The following ARHGEF37 variants were observed in gnomAD, a reference collection of about 807,000 sequenced individuals.
ARHGEF37 encodes the protein Rho guanine nucleotide exchange factor 37.
In ARHGEF37, 55 loss-of-function variants were observed where a neutral mutation model predicts 71.1. The observed-to-expected ratio is 0.77, with a 90% CI of 0.62 to 0.97. ARHGEF37 has a LOEUF of 0.97. ARHGEF37 is among the 50% of genes least tolerant of loss of function. The pLI is 0.00. For synonymous variants in ARHGEF37, 327 were observed against 350.6 expected, an observed-to-expected ratio of 0.93 and a Z score of 0.75; for missense variants, 765 against 836.8, an observed-to-expected ratio of 0.91 and a Z score of 1.06.
chr5:149,569,005 C>T (rs966587735), intron 1 of ARHGEF37, among the ~76,000 whole-genome samples: 16 of 152,052 alleles, frequency 1.1e-4, no homozygotes, highest in African/African-American at 3.9e-4. Flanking sequence ...AGTATGTGCT[C>T]TTTGTGTCCA....
chr5:149,622,968 C>T (rs1402624906), intron 9 of ARHGEF37, among the ~76,000 whole-genome samples: 1 of 152,162 alleles, frequency 6.6e-6, no homozygotes, highest in African/African-American at 2.4e-5. Context: ...CAATTCTTTG[C>T]ATGAAAACTC....
intron 12 of ARHGEF37, among the ~76,000 whole-genome samples, chr5:149,629,675 G>T (rs1279936603): frequency 6.6e-6 from 1 of 152,230 alleles, no homozygotes; most frequent in African/African-American, 2.4e-5. Context: ...GGCCAGCAGG[G>T]CCTTGTGGCC....
rs774145075 is a variant in ARHGEF37 at position 149,632,001 on chromosome 5, T to C, written c.1838T>C (p.Phe613Ser). 4 of 1,614,098 alleles carry C rather than the reference T, an allele frequency of 2.5e-6. No individual in the cohort carries two copies. The Admixed American group carries it at 5.0e-5, about 20-fold the overall frequency. Residue 613 changes from phenylalanine (F) to serine (S), a missense_variant, in exon 13 of 13, where the codon TTT becomes TCT. By Grantham distance (155) the Phe-to-Ser change is radical. This residue lies in a region of ARHGEF37 where 390 missense variants were observed against 407.4 expected (regional missense o/e 0.96). Transcript: ENST00000333677. Reference sequence around the variant, plus strand: ...TTTCAGGTCATAGCCGCGTACCCTTTTGTGGCCAGAAGCAGCCATGAAGTG... The same window carrying C: ...TTTCAGGTCATAGCCGCGTACCCTTCTGTGGCCAGAAGCAGCCATGAAGTG... ...TMNQVIAAYP[F>S]VARSSHEVSL... is the part of the protein sequence containing the mutation.
chr5:149,621,918 A>G lies in ARHGEF37; in HGVS notation c.1191A>G (p.Ala397=). The change falls in exon 9 of 13, where the codon GCA becomes GCG. Residue 397 remains alanine, a synonymous_variant. Transcript: ENST00000333677. ...QEEAARHTYQ[A]LNSLLVAELP... Reference sequence around the variant, plus strand: ...AGGCCGCCCGGCACACATACCAGGCACTCAACTCGCTGCTAGTGGCTGAGC... The same window carrying G: ...AGGCCGCCCGGCACACATACCAGGCGCTCAACTCGCTGCTAGTGGCTGAGC... 6.2e-7 allele frequency: 1 copy of G among 1,614,234 alleles called. No homozygotes were observed. The highest frequency in any genetic ancestry group is 8.5e-7 in the Non-Finnish European group (1 of 1,180,036).
intron 1 of ARHGEF37, among the ~76,000 whole-genome samples, chr5:149,553,009 G>A (rs1762705208): frequency 6.6e-6 from 1 of 151,964 alleles, no homozygotes; most frequent in Non-Finnish European, 1.5e-5. Flanking sequence ...CAACACTCAG[G>A]GTGCCCAACT....
At position 149,634,625 on chromosome 5, in the gene ARHGEF37, G is replaced by A. The variant is rs1370677652; in HGVS notation, c.*2434G>A. ...GAGAATGGCCTGTATTTTCTCCAGG[G>A]GAATCTGTGTAATGTGCCTTTTCCC... On this transcript the variant is annotated 3_prime_UTR_variant, in exon 13 of 13. Transcript: ENST00000333677. The A allele has an allele frequency of 2.0e-5, 3 of 152,550 alleles. No individual in the cohort carries two copies. Among genetic ancestry groups the A allele is most frequent in the African/African-American group, 4.8e-5 (2 of 41,424 alleles). 9.4% of individuals were successfully genotyped at this position (152,550 alleles called of 1,614,324 possible). A position where few individuals can be genotyped will look rare whatever the true frequency, so the allele number is the denominator to read the frequency against.
intron 4 of ARHGEF37, 150 bp downstream of exon 4, chr5:149,609,845 C>A: frequency 9.3e-7 from 1 of 1,080,644 alleles, no homozygotes; most frequent in Non-Finnish European, 1.3e-6. Context: ...GCAGGCTGTG[C>A]CACAGAGACA....
At chr5:149,573,830 C>T (rs750936364) in intron 1 of ARHGEF37, among the ~76,000 whole-genome samples, 6 of 151,976 alleles carry the variant, frequency 3.9e-5, no homozygotes, top group South Asian at 4.1e-4. Flanking sequence ...ATATCTATAA[C>T]GTGGATATCC....
At chr5:149,595,235 G>A (rs1263691081) in intron 1 of ARHGEF37, among the ~76,000 whole-genome samples, 1 of 152,170 alleles carries the variant, frequency 6.6e-6, no homozygotes, top group Non-Finnish European at 1.5e-5. Flanking sequence ...GAGTGCAGTG[G>A]TGCAATCTTG....
chr5:149,598,302 T>C (rs1190049972), intron 2 of ARHGEF37, among the ~76,000 whole-genome samples: 4 of 150,064 alleles, frequency 2.7e-5, no homozygotes, highest in Admixed American at 6.7e-5. Context: ...CTTCTTCTTC[T>C]TCTTCTTCTT....
intron 1 of ARHGEF37, among the ~76,000 whole-genome samples, chr5:149,563,063 G>C (rs1762854003): frequency 7.9e-5 from 12 of 152,050 alleles, no homozygotes; most frequent in Admixed American, 5.2e-4. Context: ...CATCTTCATC[G>C]TGTCTGAATC....
chr5:149,564,237 C>T (rs1170987980), intron 1 of ARHGEF37, among the ~76,000 whole-genome samples: 1 of 151,970 alleles, frequency 6.6e-6, no homozygotes, highest in Non-Finnish European at 1.5e-5. Context: ...AATATTTATA[C>T]AGTGCTTTAT....
Position 149,627,098 on chromosome 5 carries a change from G to C in ARHGEF37, c.1487G>C (p.Arg496Pro). 1 of 1,613,566 alleles carries C rather than the reference G, an allele frequency of 6.2e-7. No homozygotes were observed. Among genetic ancestry groups the C allele is most frequent in the African/African-American group, 1.3e-5 (1 of 75,042 alleles). ...TTQPLLPGSERQVQALLSRYG... is the reference protein window; with the variant it reads ...TTQPLLPGSEPQVQALLSRYG... ...CAGCCGCTCCTTCCAGGGTCTGAAC[G>C]CCAGGTGCAGGCTCTCCTGAGCAGG... The change falls in exon 11 of 13, where the codon CGC (arginine) becomes CCC (proline). Residue 496 changes from arginine (R) to proline (P), a missense_variant. Transcript: ENST00000333677.
At chr5:149,595,411 G>A (rs1763517703) in intron 1 of ARHGEF37, among the ~76,000 whole-genome samples, 2 of 152,116 alleles carry the variant, frequency 1.3e-5, no homozygotes, top group Non-Finnish European at 2.9e-5. Flanking sequence ...GAACTCCTGG[G>A]CTCAAGCAAG....
chr5:149,618,965 G>A lies in ARHGEF37; in HGVS notation c.817G>A (p.Glu273Lys). ...AGAAGACAAGGAATTTGATGATTTAGAAGAGAGGTTCCAGTGGGTGTCTCT... is the reference window on the plus strand; with the variant it reads ...AGAAGACAAGGAATTTGATGATTTAAAAGAGAGGTTCCAGTGGGTGTCTCT... ...RTEDKEFDDL[E>K]ERFQWVSLCV... Residue 273 changes from glutamate to lysine, a missense_variant, in exon 7 of 13, where the codon GAA becomes AAA. Around this residue, in one of 5 missense-constraint regions of ARHGEF37, gnomAD observed 167 missense variants for 173.3 expected, o/e 0.96. Transcript: ENST00000333677. 6.2e-7 allele frequency: 1 copy of A among 1,614,148 alleles called. No individual in the cohort carries two copies. The highest frequency in any genetic ancestry group is 8.5e-7 in the Non-Finnish European group (1 of 1,179,982).
At chr5:149,559,436 T>C (rs1430238975) in intron 1 of ARHGEF37, among the ~76,000 whole-genome samples, 3 of 152,258 alleles carry the variant, frequency 2.0e-5, no homozygotes, top group Non-Finnish European at 2.9e-5. Context: ...TTCTGAAATA[T>C]CACTTTTAAT....
chr5:149,611,294 T>C (rs1014852435), intron 4 of ARHGEF37, among the ~76,000 whole-genome samples: 1 of 152,204 alleles, frequency 6.6e-6, no homozygotes, highest in African/African-American at 2.4e-5. Context: ...GGGGGAGGAA[T>C]AATAGCAGTG....
chr5:149,626,709 TG>T (rs1231925245), intron 10 of ARHGEF37, among the ~76,000 whole-genome samples: 1 of 152,196 alleles, frequency 6.6e-6, no homozygotes, highest in East Asian at 1.9e-4. Context: ...GGTGCCCACA[TG>T]AAACTCACAC....
At chr5:149,596,170 G>T (rs1763539424) in intron 1 of ARHGEF37, among the ~76,000 whole-genome samples, 1 of 152,100 alleles carries the variant, frequency 6.6e-6, no homozygotes, top group Non-Finnish European at 1.5e-5. Context: ...CCTGTTTGAG[G>T]GCCCTAGTGA....
Sources: allele counts gnomAD v4.1 joint callset (sites outside exome capture counted in the v4.1 genomes callset), GRCh38; gene constraint gnomAD v4.1.1; regional missense constraint gnomAD v4.1.1; transcripts MANE v1.5; gene names NCBI Gene and HGNC (gene_info 2026-07-23, HGNC 2026-07-21).